DCLK1: variants seen among roughly 807,000 people sequenced by gnomAD.
DCLK1 encodes the protein serine/threonine-protein kinase DCLK1.
Under a neutral mutation model 86.2 loss-of-function variants are expected in DCLK1, and 16 were observed. The ratio of observed to expected loss-of-function variants is 0.19; its 90% CI spans 0.13 to 0.28. The LOEUF (loss-of-function observed/expected upper bound fraction) is 0.28. Ranked by LOEUF, DCLK1 falls within the 10% of genes least tolerant of loss-of-function variation. The pLI is 1.00. For synonymous variants in DCLK1, 369 were observed against 370.5 expected, an observed-to-expected ratio of 1.00 and a Z score of 0.05; for missense variants, 590 against 940.2, an observed-to-expected ratio of 0.63 and a Z score of 4.87.
intron 3 of DCLK1, among the ~76,000 whole-genome samples, chr13:36,026,800 A>G (rs1269546822): frequency 2.0e-5 from 3 of 152,172 alleles, no homozygotes; most frequent in African/African-American, 4.8e-5. Context: ...ACTCTTAGTC[A>G]ACAGCTTCTC....
intron 4 of DCLK1, among the ~76,000 whole-genome samples, chr13:35,883,351 G>T (rs1312047796): frequency 6.6e-6 from 1 of 152,118 alleles, no homozygotes; most frequent in Non-Finnish European, 1.5e-5. Flanking sequence ...GTTCCAGCAA[G>T]AGTTCTCCCA....
At chr13:35,787,473 G>C (rs1199379172) in intron 16 of DCLK1, among the ~76,000 whole-genome samples, 1 of 151,858 alleles carries the variant, frequency 6.6e-6, no homozygotes, top group Non-Finnish European at 1.5e-5. Context: ...GCAGTTGACT[G>C]GAATAGAAAA....
intron 3 of DCLK1, among the ~76,000 whole-genome samples, chr13:36,006,797 C>T (rs1880985538): frequency 6.6e-6 from 1 of 152,180 alleles, no homozygotes; most frequent in Admixed American, 6.5e-5. Context: ...AGCTAGCTGA[C>T]CCCAGTCAAG....
At chr13:36,064,441 A>T (rs1205938274) in intron 3 of DCLK1, among the ~76,000 whole-genome samples, 1 of 152,166 alleles carries the variant, frequency 6.6e-6, no homozygotes, top group African/African-American at 2.4e-5. Context: ...TTGGCGGATC[A>T]CGAGGTCAGG....
rs534051565 is a variant in DCLK1, at chr13:36,062,713, T to C, written c.723+49156A>G. Among the ~76,000 whole-genome samples, 4 of 152,282 alleles carry C rather than the reference T, an allele frequency of 2.6e-5. No individual in the cohort carries two copies. The South Asian group carries it at 8.3e-4, about 32-fold the overall frequency. ...ATTAATAAATGCAAACTGTGATGTT[T>C]CAAATTAAAAAGCAAGAGAGAAGAG... On this transcript the variant is annotated intron_variant, in intron 3 of 16. Coordinates refer to ENST00000360631, the MANE Select transcript of DCLK1 (RefSeq NM_001330071.2).
intron 3 of DCLK1, among the ~76,000 whole-genome samples, chr13:36,052,937 T>C (rs186366932): frequency 1.3e-5 from 2 of 152,266 alleles, no homozygotes; most frequent in African/African-American, 4.8e-5. Context: ...CTGAGTCCTA[T>C]GACTGAGCTT....
intron 3 of DCLK1, among the ~76,000 whole-genome samples, chr13:36,107,985 T>A (rs1480770731): frequency 6.6e-6 from 1 of 152,050 alleles, no homozygotes; most frequent in Non-Finnish European, 1.5e-5. Flanking sequence ...GATCCTCCCC[T>A]TGGACATGGG....
chr13:36,094,155 G>A (rs1044292159), intron 3 of DCLK1, among the ~76,000 whole-genome samples: 1 of 152,078 alleles, frequency 6.6e-6, no homozygotes, highest in Non-Finnish European at 1.5e-5. Context: ...TTTTTGACCT[G>A]ATATAAATTT....
intron 3 of DCLK1, among the ~76,000 whole-genome samples, chr13:36,012,007 T>C (rs1881294822): frequency 6.8e-6 from 1 of 148,052 alleles, no homozygotes; most frequent in African/African-American, 2.5e-5. Flanking sequence ...CTTTTGATCT[T>C]TGTTGGTTTA....
intron 3 of DCLK1, among the ~76,000 whole-genome samples, chr13:35,960,275 T>C (rs1878384567): frequency 6.6e-6 from 1 of 152,066 alleles, no homozygotes; most frequent in Non-Finnish European, 1.5e-5. Context: ...TCTCTAAAAA[T>C]AAAAATCCAC....
intron 3 of DCLK1, among the ~76,000 whole-genome samples, chr13:35,964,166 A>T (rs1360999823): frequency 6.6e-6 from 1 of 152,230 alleles, no homozygotes; most frequent in Non-Finnish European, 1.5e-5. Context: ...AAGAATTATT[A>T]TGGCCCATTT....
At chr13:35,950,680 T>C (rs1877618104) in intron 3 of DCLK1, among the ~76,000 whole-genome samples, 1 of 152,190 alleles carries the variant, frequency 6.6e-6, no homozygotes. Flanking sequence ...GCATTCATCA[T>C]GATTAGATAC....
chr13:35,987,766 A>T (rs1195064231), intron 3 of DCLK1, among the ~76,000 whole-genome samples: 1 of 152,188 alleles, frequency 6.6e-6, no homozygotes. Flanking sequence ...CCCAGTCTGT[A>T]ACACTTGCTT....
At chr13:35,963,156 C>T (rs748282408) in intron 3 of DCLK1, among the ~76,000 whole-genome samples, 5 of 152,230 alleles carry the variant, frequency 3.3e-5, no homozygotes, top group East Asian at 1.9e-4. Flanking sequence ...CTCTGAGTGC[C>T]GGTTTTGTCT....
chr13:35,866,641 A>G (rs999469177), intron 5 of DCLK1, among the ~76,000 whole-genome samples: 2 of 148,834 alleles, frequency 1.3e-5, no homozygotes, highest in Non-Finnish European at 3.0e-5. Context: ...TTTAGAGACC[A>G]GGTTTCACCA....
intron 3 of DCLK1, among the ~76,000 whole-genome samples, chr13:36,061,951 A>G (rs751789070): frequency 3.3e-5 from 5 of 152,080 alleles, no homozygotes; most frequent in African/African-American, 4.8e-5. Context: ...CCAAAGTCCC[A>G]TTTTTCAGAC....
intron 3 of DCLK1, among the ~76,000 whole-genome samples, chr13:36,001,112 C>A (rs936094095): frequency 5.3e-5 from 8 of 152,080 alleles, no homozygotes; most frequent in African/African-American, 1.9e-4. Context: ...CCAAGCCCAG[C>A]TAATTTTGTA....
chr13:36,068,223 G>C (rs962146363), intron 3 of DCLK1, among the ~76,000 whole-genome samples: 4 of 152,114 alleles, frequency 2.6e-5, no homozygotes, highest in African/African-American at 4.8e-5. Context: ...TAAATGACCT[G>C]GCTGATTTCA....
chr13:35,880,055 C>T (rs1358897238), intron 4 of DCLK1, among the ~76,000 whole-genome samples: 3 of 152,156 alleles, frequency 2.0e-5, no homozygotes, highest in African/African-American at 7.2e-5. Flanking sequence ...TTAATGAAAC[C>T]GTCACCAACC....
Sources: gnomAD v4.1 joint callset for allele counts (sites outside exome capture counted in the v4.1 genomes callset) on GRCh38, gnomAD v4.1.1 for gene constraint, MANE v1.5 for transcripts, NCBI Gene and HGNC (gene_info 2026-07-23, HGNC 2026-07-21) for gene names.